The following CHTF8 variants were observed in gnomAD, a reference collection of about 807,000 sequenced individuals.
The protein encoded by CHTF8 is chromosome transmission fidelity protein 8 homolog.
CHTF8 carries 6 observed loss-of-function variants against 11.0 expected under a neutral mutation model. That is an observed-to-expected ratio of 0.55 (90% CI 0.30 to 1.08). CHTF8 has a LOEUF of 1.08. Among genes scored for constraint, CHTF8 ranks in the 50% least tolerant of loss-of-function variants. CHTF8 has a pLI of 0.07. For synonymous variants in CHTF8, 53 were observed against 60.5 expected, an observed-to-expected ratio of 0.88 and a Z score of 0.57; for missense variants, 140 against 153.1, an observed-to-expected ratio of 0.91 and a Z score of 0.45.
rs777061343 is a variant in CHTF8 at position 69,118,850 on chromosome 16, G to A, written c.*1575C>T. On this transcript the variant is annotated 3_prime_UTR_variant, in exon 4 of 4. Coordinates refer to ENST00000448552, the MANE Select transcript of CHTF8 (RefSeq NM_001039690.5). ...CCAAGGTGGTCCTGGAGGGAAAATG[G>A]TGTTTAAGGGGGCAACATTCCATTT... The A allele has an allele frequency of 2.9e-6, 2 of 699,894 alleles. No individual in the cohort carries two copies. The highest frequency in any genetic ancestry group is 1.7e-5 in the African/African-American group (1 of 57,300). 43.4% of individuals were successfully genotyped at this position (699,894 alleles called of 1,614,324 possible). A position where few individuals can be genotyped will look rare whatever the true frequency, so the allele number is the denominator to read the frequency against.
rs779776642 is a variant in CHTF8 at position 69,121,499 on chromosome 16, G to A, written c.-35-6C>T. On this transcript the variant is annotated splice_region_variant and splice_polypyrimidine_tract_variant and intron_variant, in intron 1 of 3. Coordinates refer to ENST00000448552, the MANE Select transcript of CHTF8 (RefSeq NM_001039690.5). ...AAAAAGCAAGTGAAAACAAGCTGTAGAGAGAAAAAAAGAGATTTAGGGTAA... is the reference window on the plus strand; with the variant it reads ...AAAAAGCAAGTGAAAACAAGCTGTAAAGAGAAAAAAAGAGATTTAGGGTAA... 37 of 1,564,438 alleles carry A rather than the reference G, an allele frequency of 2.4e-5. No individual in the cohort carries two copies. Among genetic ancestry groups the A allele is most frequent in the Non-Finnish European group, 2.4e-5 (28 of 1,152,168 alleles).
At chr16:69,121,221 A>T in intron 2 of CHTF8, 51 bp from the exon 3 acceptor site, 1 of 1,535,336 alleles carries the variant, frequency 6.5e-7, no homozygotes, top group East Asian at 2.3e-5. Context: ...TGAAGGATGA[A>T]TAGTGTCCTC....
At position 69,120,809 on chromosome 16, in the gene CHTF8, C is replaced by G. The variant is rs1961596580; in HGVS notation, c.142-160G>C. On this transcript the variant is annotated intron_variant, in intron 3 of 3. Transcript: ENST00000448552. This position sits in a 1 kb window ranked among gnomAD's most constrained non-coding sequence, Gnocchi z 4.0. ...CACACTGGACCACCCACCCATGTGC[C>G]CTTTTTACTTTCTAGCCCCACATAG... The G allele has an allele frequency of 2.7e-6, 2 of 729,902 alleles. No individual in the cohort carries two copies. Among genetic ancestry groups the G allele is most frequent in the South Asian group, 1.6e-5 (1 of 61,130 alleles). The allele number at this position is 729,902 out of a possible 1,614,324, so 45.2% of individuals were successfully genotyped here. A position where few individuals can be genotyped will look rare whatever the true frequency, so the allele number is the denominator to read the frequency against.
chr16:69,120,889 C>A lies in CHTF8; in HGVS notation c.141+164G>T. 1 of 775,054 alleles carries A rather than the reference C, an allele frequency of 1.3e-6. No homozygotes were observed. Among genetic ancestry groups the A allele is most frequent in the Non-Finnish European group, 2.3e-6 (1 of 432,490 alleles). 48.0% of individuals were successfully genotyped at this position (775,054 alleles called of 1,614,324 possible). On this transcript the variant is annotated intron_variant, in intron 3 of 3. Transcript: ENST00000448552. This position sits in a 1 kb window ranked among gnomAD's most constrained non-coding sequence, Gnocchi z 4.0. ...TTCCAGATTCCCCAAAATTAAATTT[C>A]CCTGCTACTGCAGAGGTAGGGGGAG...
At chr16:69,125,180 A>G (rs1961968772) in intron 1 of CHTF8, among the ~76,000 whole-genome samples, 1 of 152,210 alleles carries the variant, frequency 6.6e-6, no homozygotes, top group African/African-American at 2.4e-5. Context: ...CTGAGATTAC[A>G]GGCTTGAGTC....
intron 1 of CHTF8, among the ~76,000 whole-genome samples, chr16:69,127,199 C>T (rs540770319): frequency 6.6e-6 from 1 of 151,504 alleles, no homozygotes; most frequent in East Asian, 1.9e-4. Flanking sequence ...GATTGCGCCA[C>T]CACACTCCAG....
Position 69,120,925 on chromosome 16 carries a change from G to A in CHTF8, c.141+128C>T, listed in dbSNP as rs750287667. The A allele has an allele frequency of 1.9e-5, 16 of 844,740 alleles. No homozygotes were observed. Among genetic ancestry groups the A allele is most frequent in the African/African-American group, 3.3e-5 (2 of 60,332 alleles). The allele number at this position is 844,740 out of a possible 1,614,324, so 52.3% of individuals were successfully genotyped here. A position where few individuals can be genotyped will look rare whatever the true frequency, so the allele number is the denominator to read the frequency against. On this transcript the variant is annotated intron_variant, in intron 3 of 3. Transcript: ENST00000448552. This position sits in a 1 kb window ranked among gnomAD's most constrained non-coding sequence, Gnocchi z 4.0. ...CAGAGGTAGGGGGAGAACAAGCAGA[G>A]AGCATCGCAGATTAGCTAGGCCTTG...
Position 69,119,774 on chromosome 16 carries a change from C to A in CHTF8, c.*651G>T. The A allele has an allele frequency of 1.4e-6, 1 of 699,330 alleles. No individual in the cohort carries two copies. Among genetic ancestry groups the A allele is most frequent in the South Asian group, 1.5e-5 (1 of 67,496 alleles). 43.3% of individuals were successfully genotyped at this position (699,330 alleles called of 1,614,324 possible). A position where few individuals can be genotyped will look rare whatever the true frequency, so the allele number is the denominator to read the frequency against. The stretch of plus-strand genomic sequence containing the variant: ...CCTGACCTGGGGGCAGGGTTTGTCC[C>A]TAAAAAGCCTGATCTCAGATTGGGG... On this transcript the variant is annotated 3_prime_UTR_variant, in exon 4 of 4. Coordinates refer to ENST00000448552, the MANE Select transcript of CHTF8 (RefSeq NM_001039690.5).
At position 69,121,189 on chromosome 16, in the gene CHTF8, C is replaced by T; in HGVS notation, c.24-19G>A. 2.5e-6 allele frequency: 4 copies of T among 1,601,038 alleles called. No homozygotes were observed. Among genetic ancestry groups the T allele is most frequent in the Admixed American group, 3.4e-5 (2 of 59,694 alleles). On this transcript the variant is annotated intron_variant, in intron 2 of 3. Coordinates refer to ENST00000448552, the MANE Select transcript of CHTF8 (RefSeq NM_001039690.5). ...CCTCGCACTGCAAGCAAAGGGCTGG[C>T]GGTTACAATATTTTTGAGGGGTGAA...
Position 69,118,818 on chromosome 16 carries a change from C to T in CHTF8, c.*1607G>A, listed in dbSNP as rs1961375297. ...CAGCCCCTGCCAAGAACCACAGTGC[C>T]TAGAAACCAAGGTGGTCCTGGAGGG... On this transcript the variant is annotated 3_prime_UTR_variant, in exon 4 of 4. Transcript: ENST00000448552. The T allele has an allele frequency of 1.5e-6, 1 of 679,590 alleles. No homozygotes were observed. Among genetic ancestry groups the T allele is most frequent in the Non-Finnish European group, 2.7e-6 (1 of 373,160 alleles). 42.1% of individuals were successfully genotyped at this position (679,590 alleles called of 1,614,324 possible).
intron 1 of CHTF8, among the ~76,000 whole-genome samples, chr16:69,126,193 T>G (rs1373064679): frequency 1.1e-4 from 16 of 152,162 alleles, no homozygotes. Context: ...CACGGTATAT[T>G]CTAGGAAGAT....
At position 69,123,128 on chromosome 16, in the gene CHTF8, C is replaced by G. The variant is rs534191780; in HGVS notation, c.-35-1635G>C. Among the ~76,000 whole-genome samples, 6 of 152,242 alleles carry G rather than the reference C, an allele frequency of 3.9e-5. No homozygotes were observed. In the South Asian group the frequency reaches 1.2e-3, roughly 32 times the overall value. On this transcript the variant is annotated intron_variant, in intron 1 of 3. Transcript: ENST00000448552. ...CAAGATGGAGTGAGCAAAATCATAG[C>G]TCACTGAGGCCTTTACTGCCCGGGC...
At chr16:69,122,465 C>T (rs1234974934) in intron 1 of CHTF8, among the ~76,000 whole-genome samples, 2 of 151,748 alleles carry the variant, frequency 1.3e-5, no homozygotes, top group Non-Finnish European at 2.9e-5. Flanking sequence ...CTCTGCTTCC[C>T]GGGTTCAAGT....
chr16:69,118,655 C>G lies in CHTF8; in HGVS notation c.*1770G>C. The G allele has an allele frequency of 2.9e-6, 2 of 694,068 alleles. No individual in the cohort carries two copies. The highest frequency in any genetic ancestry group is 5.3e-6 in the Non-Finnish European group (2 of 380,004). The allele number at this position is 694,068 out of a possible 1,614,324, so 43.0% of individuals were successfully genotyped here. A position where few individuals can be genotyped will look rare whatever the true frequency, so the allele number is the denominator to read the frequency against. On this transcript the variant is annotated 3_prime_UTR_variant, in exon 4 of 4. Transcript: ENST00000448552. Reference sequence around the variant, plus strand: ...TCTCTCAAGGGCAGGATTATTCCCACCTGCCACAGTTCACATGCCACAAAT... The same window carrying G: ...TCTCTCAAGGGCAGGATTATTCCCAGCTGCCACAGTTCACATGCCACAAAT...
intron 1 of CHTF8, 136 bp from the exon 2 acceptor site, chr16:69,121,629 C>A: frequency 1.8e-6 from 1 of 552,770 alleles, no homozygotes; most frequent in Non-Finnish European, 3.3e-6. Context: ...AGGCACCCAC[C>A]ACTATGGCCA....
intron 1 of CHTF8, among the ~76,000 whole-genome samples, chr16:69,129,686 C>A (rs1962355432): frequency 6.6e-6 from 1 of 152,174 alleles, no homozygotes; most frequent in Non-Finnish European, 1.5e-5. Context: ...CCTAACCCCT[C>A]CACAATCTGG....
At chr16:69,121,834 A>AT (rs1204306667) in intron 1 of CHTF8, among the ~76,000 whole-genome samples, 3 of 151,686 alleles carry the variant, frequency 2.0e-5, no homozygotes, top group African/African-American at 7.3e-5. Flanking sequence ...CGGCCGGCTA[A>AT]TTTTTTTTGT....
intron 1 of CHTF8, among the ~76,000 whole-genome samples, chr16:69,126,102 G>A (rs1484839575): frequency 6.6e-6 from 1 of 152,170 alleles, no homozygotes; most frequent in African/African-American, 2.4e-5. Flanking sequence ...TGAAGATGAT[G>A]TAGTATATTT....
chr16:69,123,021 A>G (rs1462017871), intron 1 of CHTF8, among the ~76,000 whole-genome samples: 2 of 152,030 alleles, frequency 1.3e-5, no homozygotes, highest in Non-Finnish European at 2.9e-5. Flanking sequence ...GGCCTCTCAA[A>G]GTGCTGGGAT....
Sources: allele counts gnomAD v4.1 joint callset (sites outside exome capture counted in the v4.1 genomes callset), GRCh38; gene constraint gnomAD v4.1.1; non-coding constraint Gnocchi (gnomAD v3.1); transcripts MANE v1.5; gene names NCBI Gene and HGNC (gene_info 2026-07-23, HGNC 2026-07-21).